Variants in GFOD1 observed in about 807,000 individuals in gnomAD.
The protein encoded by GFOD1 is Gfo/Idh/MocA-like oxidoreductase domain containing 1, also known as glucose-fructose oxidoreductase domain-containing protein 1.
Under a neutral mutation model 25.4 loss-of-function variants are expected in GFOD1, and 9 were observed. That is an observed-to-expected ratio of 0.35 (90% CI 0.21 to 0.62). The LOEUF (loss-of-function observed/expected upper bound fraction) is 0.62. Ranked by LOEUF, GFOD1 falls within the 20% of genes least tolerant of loss-of-function variation. The pLI, the probability that GFOD1 is intolerant of heterozygous loss-of-function variation, is 0.72. For missense variants in GFOD1, 403 were observed against 556.9 expected (o/e 0.72, Z 2.78); for synonymous variants, 253 against 245.6 (o/e 1.03, Z -0.28).
chr6:13,480,115 TGAA>T (rs1310988640), intron 1 of GFOD1, among the ~76,000 whole-genome samples: 4 of 152,146 alleles, frequency 2.6e-5, no homozygotes, highest in African/African-American at 9.7e-5. Context: ...GCTGACACCA[TGAA>T]GAAGGACAGA....
rs147072374 is a variant in GFOD1 at position 13,423,554 on chromosome 6, C to T, written c.254-57892G>A. ...TGTCATGCGCAAAGCTCGAGGCAAGCGGCTCTCCATGAGTGTCGCAGGTTG... is the reference window on the plus strand; with the variant it reads ...TGTCATGCGCAAAGCTCGAGGCAAGTGGCTCTCCATGAGTGTCGCAGGTTG... On this transcript the variant is annotated intron_variant, in intron 1 of 1. Coordinates refer to ENST00000379287, the MANE Select transcript of GFOD1 (RefSeq NM_018988.4). 6.0e-4 allele frequency among the ~76,000 whole-genome samples: 92 copies of T among 152,288 alleles called. 1 individual carries two copies. Among genetic ancestry groups the T allele is most frequent in the Non-Finnish European group, 1.0e-3 (68 of 68,022 alleles).
chr6:13,448,090 C>T (rs955640884), intron 1 of GFOD1, among the ~76,000 whole-genome samples: 2 of 152,080 alleles, frequency 1.3e-5, no homozygotes, highest in African/African-American at 4.8e-5. Flanking sequence ...ACTCGTGGTG[C>T]CCTGAACAGA....
chr6:13,409,149 G>GAA (rs369047514), intron 1 of GFOD1, among the ~76,000 whole-genome samples: 10,709 of 36,044 alleles, frequency 0.3, 2,360 homozygotes, highest in Non-Finnish European at 0.43. Context: ...AAGAAAGAAA[G>GAA]AGAGGAAAGA....
At chr6:13,439,392 A>T (rs1357655609) in intron 1 of GFOD1, among the ~76,000 whole-genome samples, 1 of 152,228 alleles carries the variant, frequency 6.6e-6, no homozygotes, top group Non-Finnish European at 1.5e-5. Context: ...AGAGTATCTG[A>T]CTGTCTCTGT....
At chr6:13,481,497 C>T (rs972153594) in intron 1 of GFOD1, among the ~76,000 whole-genome samples, 2 of 152,086 alleles carry the variant, frequency 1.3e-5, no homozygotes, top group Non-Finnish European at 2.9e-5. Context: ...AAAGTCATGC[C>T]AAGGAGCTTG....
At chr6:13,425,889 G>A (rs57237714) in intron 1 of GFOD1, among the ~76,000 whole-genome samples, 3 of 149,258 alleles carry the variant, frequency 2.0e-5, no homozygotes, top group Admixed American at 6.6e-5. Flanking sequence ...AAAAAAAGAA[G>A]AAGAAAGAAA....
chr6:13,487,227 C>T lies in GFOD1; in HGVS notation c.-337G>A, dbSNP rs1758893274. ...CTGCGCTCCCGCGGCAGCGCCAGTC[C>T]GCTGCGTGCGCCCCGCCAAGGCCGC... On this transcript the variant is annotated 5_prime_UTR_variant, in exon 1 of 2. Transcript: ENST00000379287. This position sits in a 1 kb window ranked among gnomAD's most constrained non-coding sequence, Gnocchi z 4.9. 2 of 250,624 alleles carry T rather than the reference C, an allele frequency of 8.0e-6. No individual in the cohort carries two copies. The highest frequency in any genetic ancestry group is 1.5e-5 in the Non-Finnish European group (2 of 132,808). 15.5% of individuals were successfully genotyped at this position (250,624 alleles called of 1,614,324 possible). A position where few individuals can be genotyped will look rare whatever the true frequency, so the allele number is the denominator to read the frequency against.
chr6:13,439,320 A>G (rs1308520640), intron 1 of GFOD1, among the ~76,000 whole-genome samples: 2 of 152,238 alleles, frequency 1.3e-5, no homozygotes, highest in Non-Finnish European at 2.9e-5. Context: ...CACAGTTGTC[A>G]GAAGAGGCTC....
At position 13,360,656 on chromosome 6, in the gene GFOD1, T is replaced by C. The variant is rs1340510113; in HGVS notation, c.*4087A>G. 1 of 446,804 alleles carries C rather than the reference T, an allele frequency of 2.2e-6. No individual in the cohort carries two copies. Among genetic ancestry groups the C allele is most frequent in the Admixed American group, 2.4e-5 (1 of 42,132 alleles). 27.7% of individuals were successfully genotyped at this position (446,804 alleles called of 1,614,324 possible). On this transcript the variant is annotated 3_prime_UTR_variant, in exon 2 of 2. Transcript: ENST00000379287. ...GCTGAGTGATATTTCCATTTTGGAA[T>C]GGGAAGAAACACTGGCTACTTCTAT...
chr6:13,427,292 T>C (rs1171822832), intron 1 of GFOD1, among the ~76,000 whole-genome samples: 1 of 152,234 alleles, frequency 6.6e-6, no homozygotes, highest in South Asian at 2.1e-4. Flanking sequence ...ATCCAAATGG[T>C]CAAAAATCCA....
At chr6:13,458,385 G>C (rs1296318866) in intron 1 of GFOD1, among the ~76,000 whole-genome samples, 1 of 152,068 alleles carries the variant, frequency 6.6e-6, no homozygotes, top group African/African-American at 2.4e-5. Flanking sequence ...CCAAAGTGCT[G>C]GGATTAAAAG....
At chr6:13,374,124 A>G (rs2127556651) in intron 1 of GFOD1, among the ~76,000 whole-genome samples, 1 of 152,244 alleles carries the variant, frequency 6.6e-6, no homozygotes, top group African/African-American at 2.4e-5. Context: ...TCCTGTTCCC[A>G]TCTTACAGAT....
chr6:13,378,200 G>C (rs930409100), intron 1 of GFOD1, among the ~76,000 whole-genome samples: 1 of 152,132 alleles, frequency 6.6e-6, no homozygotes, highest in Non-Finnish European at 1.5e-5. Context: ...GATATGTGCA[G>C]ATCCAGGGTG....
intron 1 of GFOD1, among the ~76,000 whole-genome samples, chr6:13,461,395 C>T (rs1758287616): frequency 6.6e-6 from 1 of 152,210 alleles, no homozygotes; most frequent in South Asian, 2.1e-4. Flanking sequence ...CCCACACAGA[C>T]CCTTGCTCCA....
chr6:13,422,246 T>C (rs1009775635), intron 1 of GFOD1, among the ~76,000 whole-genome samples: 2 of 152,220 alleles, frequency 1.3e-5, no homozygotes, highest in Admixed American at 6.5e-5. Flanking sequence ...GTATGTTTTG[T>C]TGTGTTGCAA....
At chr6:13,421,880 A>G (rs1786263071) in intron 1 of GFOD1, among the ~76,000 whole-genome samples, 1 of 152,224 alleles carries the variant, frequency 6.6e-6, no homozygotes, top group South Asian at 2.1e-4. Context: ...GGAGGCTGCA[A>G]ATCAAACAGG....
chr6:13,401,386 G>T (rs1224308703), intron 1 of GFOD1, among the ~76,000 whole-genome samples: 1 of 92,366 alleles, frequency 1.1e-5, no homozygotes, highest in Non-Finnish European at 2.4e-5. Flanking sequence ...CATTGTCATG[G>T]GTCCAGTAGT....
intron 1 of GFOD1, chr6:13,486,257 C>CCCCCCA (rs1554207083): frequency 3.6e-6 from 1 of 276,728 alleles, no homozygotes; most frequent in African/African-American, 2.9e-5. Flanking sequence ...TCCCCCCCCC[C>CCCCCCA]CACACACACA....
intron 1 of GFOD1, among the ~76,000 whole-genome samples, chr6:13,473,299 A>C (rs1758547378): frequency 6.6e-6 from 1 of 152,174 alleles, no homozygotes; most frequent in South Asian, 2.1e-4. Context: ...GGCACCCTTC[A>C]AGGCATCCTC....
Sources: gnomAD v4.1 joint callset for allele counts (sites outside exome capture counted in the v4.1 genomes callset) on GRCh38, gnomAD v4.1.1 for gene constraint, Gnocchi (gnomAD v3.1) non-coding constraint, MANE v1.5 for transcripts, NCBI Gene and HGNC (gene_info 2026-07-23, HGNC 2026-07-21) for gene names.